Variants in CCDC59 observed in about 807,000 individuals in gnomAD.
The protein encoded by CCDC59 is coiled-coil domain containing 59, also known as thyroid transcription factor 1-associated protein 26.
CCDC59 carries 27 observed loss-of-function variants against 30.5 expected under a neutral mutation model. The ratio of observed to expected loss-of-function variants is 0.89; its 90% CI spans 0.65 to 1.22. CCDC59 has a LOEUF of 1.22. Ranked by LOEUF, CCDC59 falls within the 50% of genes most tolerant of loss-of-function variation. The pLI, the probability that CCDC59 is intolerant of heterozygous loss-of-function variation, is 0.00. For missense variants in CCDC59, 362 were observed against 284.4 expected (o/e 1.27, Z -1.96); for synonymous variants, 125 against 100.9 (o/e 1.24, Z -1.43).
In CCDC59 at chr12:82,352,361, C is replaced by T. The variant is rs1880853712; in HGVS notation, c.*790G>A. On this transcript the variant is annotated 3_prime_UTR_variant, in exon 4 of 4. Transcript: ENST00000256151. ...ATTTGGCAAGTATTATTGGTCAGCC[C>T]TTTTTGCTTACAATGACTATATATA... 2 of 152,144 alleles carry T rather than the reference C, an allele frequency of 1.3e-5. No individual in the cohort carries two copies. Among genetic ancestry groups the T allele is most frequent in the African/African-American group, 4.8e-5 (2 of 41,422 alleles). 9.4% of individuals were successfully genotyped at this position (152,144 alleles called of 1,614,324 possible).
At chr12:82,353,519 A>T (rs1880895728) in intron 3 of CCDC59, among the ~76,000 whole-genome samples, 1 of 152,180 alleles carries the variant, frequency 6.6e-6, no homozygotes, top group South Asian at 2.1e-4. Context: ...AATTTTCATG[A>T]TCACAAAGCC....
chr12:82,358,770 A>T (rs1428820304), upstream of CCDC59: 1 of 1,613,564 alleles, frequency 6.2e-7, no homozygotes, highest in Non-Finnish European at 8.5e-7. Context: ...AGCGTCGGAG[A>T]CGGAGGCCCT....
At chr12:82,358,413 G>A (rs1565787685), upstream of CCDC59, 3 of 1,609,998 alleles carry the variant, frequency 1.9e-6, no homozygotes, top group Middle Eastern at 1.7e-4. Flanking sequence ...AGACCACGAC[G>A]GACGCCCACA....
Position 82,353,285 on chromosome 12 carries a change from C to T in CCDC59, c.592G>A (p.Glu198Lys), listed in dbSNP as rs775910825. The T allele has an allele frequency of 6.2e-7, 1 of 1,606,314 alleles. No homozygotes were observed. The highest frequency in any genetic ancestry group is 8.5e-7 in the Non-Finnish European group (1 of 1,177,862). ...QEFERRKQER[E>K]EAQRQYKKKK... ...TTTTTGTACTGCCTTTGGGCTTCTTCTCTCTCCTGTTTTCTCCTCTCGAAT... is the reference window on the plus strand; with the variant it reads ...TTTTTGTACTGCCTTTGGGCTTCTTTTCTCTCCTGTTTTCTCCTCTCGAAT... The change falls in exon 4 of 4, where the codon GAA becomes AAA. Residue 198 changes from glutamate (E) to lysine (K), a missense_variant. Physicochemically the swap from Glu to Lys is moderately conservative, Grantham distance 56. Transcript: ENST00000256151.
rs776046274 is a variant in CCDC59 at position 82,357,176 on chromosome 12, G to A, written c.248C>T (p.Ser83Phe). 47 of 1,613,904 alleles carry A rather than the reference G, an allele frequency of 2.9e-5. No individual in the cohort carries two copies. The highest frequency in any genetic ancestry group is 3.7e-5 in the Non-Finnish European group (44 of 1,179,906). ...ATCTGGGTATCGATCTGTGAATTGA[G>A]ATTCCAGTGACGTTTGAGCCTTCTT... ...KEKKAQTSLE[S>F]QFTDRYPDNL... The change falls in exon 2 of 4, where the codon TCT (serine) becomes TTT (phenylalanine). Residue 83 changes from serine (S) to phenylalanine (F), a missense_variant. Coordinates refer to ENST00000256151, the MANE Select transcript of CCDC59 (RefSeq NM_014167.5).
intron 1 of CCDC59, 106 bp downstream of exon 1, chr12:82,358,117 G>A: frequency 7.6e-7 from 1 of 1,307,828 alleles, no homozygotes; most frequent in Non-Finnish European, 1.1e-6. Flanking sequence ...CTTGCCCCAA[G>A]TAGGACCGGG....
chr12:82,354,770 T>TA (rs955128500), intron 2 of CCDC59, 176 bp from the exon 3 acceptor site: 21,094 of 388,274 alleles, frequency 0.054, 9 homozygotes, highest in Middle Eastern at 0.071. Context: ...CCTAAAATGT[T>TA]AAAAAAAAAA....
chr12:82,355,442 G>C (rs371190029), intron 2 of CCDC59: 2 of 151,712 alleles, frequency 1.3e-5, no homozygotes, highest in African/African-American at 4.8e-5. Context: ...AATAAGGAAG[G>C]AAAAAAAATC....
intron 1 of CCDC59, 80 bp downstream of exon 1, chr12:82,358,143 C>G: frequency 6.5e-7 from 1 of 1,547,974 alleles, no homozygotes; most frequent in Non-Finnish European, 8.8e-7. Flanking sequence ...TTCCTAAATC[C>G]TTCTTCCAAG....
chr12:82,354,395 G>C, intron 3 of CCDC59, 100 bp downstream of exon 3: 1 of 821,024 alleles, frequency 1.2e-6, no homozygotes, highest in Non-Finnish European at 1.8e-6. Context: ...TTTACAGAGA[G>C]AATACTGTGT....
At chr12:82,358,091 C>A (rs767395924) in intron 1 of CCDC59, 132 bp downstream of exon 1, 14 of 978,578 alleles carry the variant, frequency 1.4e-5, no homozygotes, top group Non-Finnish European at 2.1e-5. Context: ...CTTTAGCGGG[C>A]TCAGGAATGA....
Position 82,353,321 on chromosome 12 carries a change from AT to A in CCDC59, c.565-10del. 1 of 1,589,594 alleles carries A rather than the reference AT, an allele frequency of 6.3e-7. No homozygotes were observed. Among genetic ancestry groups the A allele is most frequent in the Non-Finnish European group, 8.5e-7 (1 of 1,171,070 alleles). On this transcript the variant is annotated splice_polypyrimidine_tract_variant and intron_variant, in intron 3 of 3. Transcript: ENST00000256151. ...TTTCTCCTCTCGAATTCCTAAAATT[AT>A]TAACATATGTAACTTTCATTAGCAA...
At chr12:82,353,757 T>A (rs1188349234) in intron 3 of CCDC59, among the ~76,000 whole-genome samples, 2 of 152,100 alleles carry the variant, frequency 1.3e-5, no homozygotes, top group African/African-American at 4.8e-5. Context: ...TGTTAAGAAT[T>A]CTTAATTACA....
At chr12:82,358,036 C>T (rs543710315) in intron 1 of CCDC59, among the ~76,000 whole-genome samples, 187 bp downstream of exon 1, 8 of 152,302 alleles carry the variant, frequency 5.3e-5, no homozygotes, top group Non-Finnish European at 8.8e-5. Flanking sequence ...TAAATAATAG[C>T]AACACTGCTC....
At chr12:82,355,491 ATCT>A (rs1290633185) in intron 2 of CCDC59, 1 of 152,254 alleles carries the variant, frequency 6.6e-6, no homozygotes, top group African/African-American at 2.4e-5. Context: ...TTTAAAAAAA[ATCT>A]TCTATACATC....
rs2136750595 is a variant in CCDC59, at chr12:82,356,811, A to C, written c.464+149T>G. The C allele has an allele frequency of 6.6e-6, 4 of 609,056 alleles. No homozygotes were observed. The East Asian group carries it at 1.1e-4, about 17-fold the overall frequency. The allele number at this position is 609,056 out of a possible 1,614,324, so 37.7% of individuals were successfully genotyped here. ...TAATTCAGTTATTGAAGCTAAAAAT[A>C]GAGCCTCCATGAAAATGTTTCCCTA... On this transcript the variant is annotated intron_variant, in intron 2 of 3. Coordinates refer to ENST00000256151, the MANE Select transcript of CCDC59 (RefSeq NM_014167.5).
Position 82,358,316 on chromosome 12 carries a change from C to T in CCDC59, c.61G>A (p.Gly21Arg). 3.7e-6 allele frequency: 6 copies of T among 1,614,158 alleles called. 1 individual carries two copies. The highest frequency in any genetic ancestry group is 3.3e-5 in the South Asian group (3 of 91,086). Residue 21 changes from glycine to arginine, a missense_variant, in exon 1 of 4, where the codon GGG becomes AGG. By Grantham distance (125) the Gly-to-Arg change is moderately radical. Transcript: ENST00000256151. ...RPGGIEARGE[G>R]VSTVGYRNKN... ...TTCCTGTACCCGACAGTGGAAACCCCTTCACCACGCGCCTCAATACCACCA... is the reference window on the plus strand; with the variant it reads ...TTCCTGTACCCGACAGTGGAAACCCTTTCACCACGCGCCTCAATACCACCA...
chr12:82,357,785 A>G (rs1881152733), intron 1 of CCDC59, among the ~76,000 whole-genome samples: 1 of 152,370 alleles, frequency 6.6e-6, no homozygotes, highest in African/African-American at 2.4e-5. Context: ...GGGATCTAAG[A>G]GACCTTACAG....
chr12:82,356,932 A>G, intron 2 of CCDC59, 28 bp downstream of exon 2: 1 of 1,541,970 alleles, frequency 6.5e-7, no homozygotes, highest in Non-Finnish European at 8.9e-7. Context: ...ACAACACTTA[A>G]AGGATTTCAA....
Sources: gnomAD v4.1 joint callset for allele counts (sites outside exome capture counted in the v4.1 genomes callset) on GRCh38, gnomAD v4.1.1 for gene constraint, MANE v1.5 for transcripts, NCBI Gene and HGNC (gene_info 2026-07-23, HGNC 2026-07-21) for gene names.